The following FITM2 variants were observed in gnomAD, a reference collection of about 807,000 sequenced individuals.
FITM2 encodes the protein acyl-coenzyme A diphosphatase FITM2.
FITM2 carries 16 observed loss-of-function variants against 23.3 expected under a neutral mutation model. The ratio of observed to expected loss-of-function variants is 0.69; its 90% CI spans 0.47 to 1.05. FITM2 has a LOEUF of 1.05. Among genes scored for constraint, FITM2 ranks in the 50% least tolerant of loss-of-function variants. The pLI is 0.00. For missense variants in FITM2, 273 were observed against 327.5 expected (o/e 0.83, Z 1.29); for synonymous variants, 132 against 142.0 (o/e 0.93, Z 0.50).
At chr20:44,308,003 C>A (rs2062695490) in intron 1 of FITM2, among the ~76,000 whole-genome samples, 1 of 151,952 alleles carries the variant, frequency 6.6e-6, no homozygotes, top group African/African-American at 2.4e-5. Context: ...AGGAGAATGG[C>A]ATGAACCCGG....
chr20:44,310,960 A>G lies in FITM2; in HGVS notation c.173+16T>C. The G allele has an allele frequency of 6.5e-7, 1 of 1,536,566 alleles. No homozygotes were observed. Among genetic ancestry groups the G allele is most frequent in the Non-Finnish European group, 8.8e-7 (1 of 1,138,452 alleles). ...CCGGCTCGGGCGGGGACAGCGGAGG[A>G]CCGGGGTGCACTCACACGTTGAGGA... On this transcript the variant is annotated intron_variant, in intron 1 of 1. Coordinates refer to ENST00000396825, the MANE Select transcript of FITM2 (RefSeq NM_001080472.4).
chr20:44,307,818 T>C (rs987651562), intron 1 of FITM2, among the ~76,000 whole-genome samples: 3 of 150,562 alleles, frequency 2.0e-5, no homozygotes, highest in Non-Finnish European at 4.4e-5. Context: ...CCGGGCGCGG[T>C]GGCTCACGCC....
In FITM2 at chr20:44,311,170, T is replaced by C; in HGVS notation, c.-22A>G. 3 of 1,603,438 alleles carry C rather than the reference T, an allele frequency of 1.9e-6. No homozygotes were observed. Among genetic ancestry groups the C allele is most frequent in the Non-Finnish European group, 1.7e-6 (2 of 1,173,914 alleles). ...CCATGCCGGATCTCGTCAGCCACCGTCCTCCTCTCCGTGCCCTCTCGGCCA... is the reference window on the plus strand; with the variant it reads ...CCATGCCGGATCTCGTCAGCCACCGCCCTCCTCTCCGTGCCCTCTCGGCCA... On this transcript the variant is annotated 5_prime_UTR_variant, in exon 1 of 2. Coordinates refer to ENST00000396825, the MANE Select transcript of FITM2 (RefSeq NM_001080472.4).
intron 1 of FITM2, among the ~76,000 whole-genome samples, chr20:44,309,121 A>G (rs1006858258): frequency 1.3e-5 from 2 of 151,960 alleles, no homozygotes; most frequent in African/African-American, 4.8e-5. Context: ...CAGCCTCCGG[A>G]GTAGCTGGGA....
In FITM2 at chr20:44,305,692, C is replaced by G. The variant is rs1282249626; in HGVS notation, c.*933G>C. ...ACAAAATTAGCCTGGTGTGGTGACG[C>G]ATGCCTGTAATCCCAGCTACTCGGG... is the stretch of plus-strand genomic sequence containing the variant. On this transcript the variant is annotated 3_prime_UTR_variant, in exon 2 of 2. Coordinates refer to ENST00000396825, the MANE Select transcript of FITM2 (RefSeq NM_001080472.4). 2 of 152,024 alleles carry G rather than the reference C, an allele frequency of 1.3e-5. No individual in the cohort carries two copies. Among genetic ancestry groups the G allele is most frequent in the African/African-American group, 4.8e-5 (2 of 41,392 alleles). 9.4% of individuals were successfully genotyped at this position (152,024 alleles called of 1,614,324 possible).
At position 44,311,129 on chromosome 20, in the gene FITM2, C is replaced by A. The variant is rs146812591; in HGVS notation, c.20G>T (p.Cys7Phe). Residue 7 changes from cysteine (C) to phenylalanine (F), a missense_variant, in exon 1 of 2, where the codon TGC (cysteine) becomes TTC (phenylalanine). Cys to Phe is a radical substitution (Grantham distance 205). Transcript: ENST00000396825. Reference protein sequence around the residue: MEHLERCEWLLRGTLVR... With the variant: MEHLERFEWLLRGTLVR... Reference sequence around the variant, plus strand: ...CAGCGTCCCCCGCAACAACCACTCGCAGCGCTCCAGATGCTCCATGCCGGA... The same window carrying A: ...CAGCGTCCCCCGCAACAACCACTCGAAGCGCTCCAGATGCTCCATGCCGGA... 7 of 1,612,644 alleles carry A rather than the reference C, an allele frequency of 4.3e-6. No homozygotes were observed. The highest frequency in any genetic ancestry group is 1.7e-5 in the Admixed American group (1 of 59,924).
In FITM2 at chr20:44,307,348, T is replaced by A. The variant is rs909609064; in HGVS notation, c.174-108A>T. 6.7e-6 allele frequency: 9 copies of A among 1,349,880 alleles called. No individual in the cohort carries two copies. The African/African-American group carries it at 1.2e-4, about 18-fold the overall frequency. The allele number at this position is 1,349,880 out of a possible 1,614,324, so 83.6% of individuals were successfully genotyped here. A position where few individuals can be genotyped will look rare whatever the true frequency, so the allele number is the denominator to read the frequency against. On this transcript the variant is annotated intron_variant, in intron 1 of 1. Transcript: ENST00000396825. ...AGGGGAGGGAAAATGAGAAAACTGA[T>A]CAAAGCTACAGCTCATAGCAACTAT...
In FITM2 at chr20:44,305,909, T is replaced by G. The variant is rs971638870; in HGVS notation, c.*716A>C. The G allele has an allele frequency of 1.3e-5, 2 of 152,236 alleles. No individual in the cohort carries two copies. The highest frequency in any genetic ancestry group is 2.9e-5 in the Non-Finnish European group (2 of 68,154). 9.4% of individuals were successfully genotyped at this position (152,236 alleles called of 1,614,324 possible). On this transcript the variant is annotated 3_prime_UTR_variant, in exon 2 of 2. Coordinates refer to ENST00000396825, the MANE Select transcript of FITM2 (RefSeq NM_001080472.4). Reference sequence around the variant, plus strand: ...ACTGTTTTGTTTTGTTTTTTCTTTTTTGAGGTGGAGTCTGCTCTGTCACCC... The same window carrying G: ...ACTGTTTTGTTTTGTTTTTTCTTTTGTGAGGTGGAGTCTGCTCTGTCACCC...
Position 44,307,049 on chromosome 20 carries a change from T to G in FITM2, c.365A>C (p.Tyr122Ser), listed in dbSNP as rs773287936. 19 of 1,614,124 alleles carry G rather than the reference T, an allele frequency of 1.2e-5. No individual in the cohort carries two copies. The highest frequency in any genetic ancestry group is 1.6e-5 in the Non-Finnish European group (19 of 1,180,016). The change falls in exon 2 of 2, where the codon TAC becomes TCC. Residue 122 changes from tyrosine to serine, a missense_variant. Around this residue, in one of 3 missense-constraint regions of FITM2, gnomAD observed 117 missense variants for 183.3 expected, o/e 0.64. Transcript: ENST00000396825. Reference protein sequence around the residue: ...SNIEHYTGSCYQSPALEGVRK... With the variant: ...SNIEHYTGSCSQSPALEGVRK... ...GACCCCCTCCAGGGCTGGGGACTGG[T>G]AGCAGCTGCCCGTGTAGTGTTCGAT...
chr20:44,310,849 G>A, intron 1 of FITM2, 127 bp downstream of exon 1: 1 of 1,311,032 alleles, frequency 7.6e-7, no homozygotes, highest in Admixed American at 2.8e-5. Context: ...AGATGCTGCT[G>A]TCACGGCTAG....
chr20:44,309,736 T>A (rs1378049188), intron 1 of FITM2, among the ~76,000 whole-genome samples: 2 of 152,052 alleles, frequency 1.3e-5, no homozygotes, highest in Non-Finnish European at 2.9e-5. Flanking sequence ...GGAACAAAAC[T>A]CCAGGATCCA....
chr20:44,307,073 A>G lies in FITM2; in HGVS notation c.341T>C (p.Ile114Thr), dbSNP rs1275484007. Residue 114 changes from isoleucine to threonine, a missense_variant, in exon 2 of 2, where the codon ATC (isoleucine) becomes ACC (threonine). This residue lies in a region of FITM2 where 117 missense variants were observed against 183.3 expected (regional missense o/e 0.64). Coordinates refer to ENST00000396825, the MANE Select transcript of FITM2 (RefSeq NM_001080472.4). ...WYICTSIFSN[I>T]EHYTGSCYQS... ...GTAGCAGCTGCCCGTGTAGTGTTCG[A>G]TGTTGGAGAAGATGGAGGTGCAGAT... 2 of 1,613,952 alleles carry G rather than the reference A, an allele frequency of 1.2e-6. No individual in the cohort carries two copies. The highest frequency in any genetic ancestry group is 2.7e-5 in the African/African-American group (2 of 74,876).
At position 44,311,079 on chromosome 20, in the gene FITM2, G is replaced by A. The variant is rs1297014174; in HGVS notation, c.70C>T (p.Leu24=). 1.9e-6 allele frequency: 3 copies of A among 1,612,434 alleles called. No individual in the cohort carries two copies. The African/African-American group carries it at 4.0e-5, about 22-fold the overall frequency. ...ATGGAGGCCACCAGGGCCCAGGGCA[G>A]GTAGCGCCGCACGGCCGCCCGCACC... ...TLVRAAVRRY[L]PWALVASMLA... Residue 24 remains leucine, a synonymous_variant, in exon 1 of 2, where the codon CTG becomes TTG. Coordinates refer to ENST00000396825, the MANE Select transcript of FITM2 (RefSeq NM_001080472.4).
At chr20:44,308,931 CTTA>C (rs1224214264) in intron 1 of FITM2, among the ~76,000 whole-genome samples, 3 of 152,184 alleles carry the variant, frequency 2.0e-5, no homozygotes, top group East Asian at 3.9e-4. Flanking sequence ...TCTGACTTAA[CTTA>C]TTATACCTCC....
chr20:44,308,678 G>GGTGT (rs2062697110), intron 1 of FITM2, among the ~76,000 whole-genome samples: 4 of 152,102 alleles, frequency 2.6e-5, no homozygotes, highest in African/African-American at 9.7e-5. Context: ...TGGGATTACA[G>GGTGT]GTGTGTACCA....
chr20:44,310,220 G>A (rs2062701318), intron 1 of FITM2, among the ~76,000 whole-genome samples: 2 of 152,334 alleles, frequency 1.3e-5, no homozygotes, highest in Non-Finnish European at 2.9e-5. Context: ...ATCTTTCAGA[G>A]TTTCCCTTTA....
In FITM2 at chr20:44,304,785, T is replaced by C. The variant is rs898212810; in HGVS notation, c.*1840A>G. 1 of 152,270 alleles carries C rather than the reference T, an allele frequency of 6.6e-6. No homozygotes were observed. The highest frequency in any genetic ancestry group is 2.4e-5 in the African/African-American group (1 of 41,454). The allele number at this position is 152,270 out of a possible 1,614,324, so 9.4% of individuals were successfully genotyped here. On this transcript the variant is annotated 3_prime_UTR_variant, in exon 2 of 2. Transcript: ENST00000396825. ...CACTGTTCAGTCTATACCACTGATATGTGGTCAGGGACATTTCGGTGCAAG... is the reference window on the plus strand; with the variant it reads ...CACTGTTCAGTCTATACCACTGATACGTGGTCAGGGACATTTCGGTGCAAG...
Position 44,304,191 on chromosome 20 carries a change from A to G in FITM2, c.*2434T>C, listed in dbSNP as rs368213934. ...GTAAAAGATTTTACACCGAAGATTC[A>G]TCCTCAACCACTTAAGCTTCAGTGA... is the stretch of plus-strand genomic sequence containing the variant. On this transcript the variant is annotated 3_prime_UTR_variant, in exon 2 of 2. Coordinates refer to ENST00000396825, the MANE Select transcript of FITM2 (RefSeq NM_001080472.4). 4 of 152,330 alleles carry G rather than the reference A, an allele frequency of 2.6e-5. No homozygotes were observed. The South Asian group carries it at 8.3e-4, about 32-fold the overall frequency. 9.4% of individuals were successfully genotyped at this position (152,330 alleles called of 1,614,324 possible). A position where few individuals can be genotyped will look rare whatever the true frequency, so the allele number is the denominator to read the frequency against.
Position 44,303,829 on chromosome 20 carries a change from T to G in FITM2, c.*2796A>C, listed in dbSNP as rs1395812032. On this transcript the variant is annotated 3_prime_UTR_variant, in exon 2 of 2. Coordinates refer to ENST00000396825, the MANE Select transcript of FITM2 (RefSeq NM_001080472.4). ...TAGTCGAGACGGGGTTTTATCATGTTGGCTAGGCTGGCCCAACCTCAAGTG... is the reference window on the plus strand; with the variant it reads ...TAGTCGAGACGGGGTTTTATCATGTGGGCTAGGCTGGCCCAACCTCAAGTG... The G allele has an allele frequency of 1.3e-5, 2 of 152,242 alleles. No homozygotes were observed. The highest frequency in any genetic ancestry group is 3.9e-4 in the East Asian group (2 of 5,188). 9.4% of individuals were successfully genotyped at this position (152,242 alleles called of 1,614,324 possible).
Sources: allele counts gnomAD v4.1 joint callset (sites outside exome capture counted in the v4.1 genomes callset), GRCh38; gene constraint gnomAD v4.1.1; regional missense constraint gnomAD v4.1.1; transcripts MANE v1.5; gene names NCBI Gene and HGNC (gene_info 2026-07-23, HGNC 2026-07-21).